The following TBC1D16 variants were observed in gnomAD, a reference collection of about 807,000 sequenced individuals.
TBC1D16 encodes CTD-2529O21.1.
In TBC1D16, 58 loss-of-function variants were observed where a neutral mutation model predicts 74.7. That is an observed-to-expected ratio of 0.78 (90% CI 0.63 to 0.97). TBC1D16 has a LOEUF of 0.97. Ranked by LOEUF, TBC1D16 falls within the 50% of genes least tolerant of loss-of-function variation. TBC1D16 has a pLI of 0.00. For synonymous variants in TBC1D16, 493 were observed against 474.7 expected, an observed-to-expected ratio of 1.04 and a Z score of -0.50; for missense variants, 1,014 against 1,079.5, an observed-to-expected ratio of 0.94 and a Z score of 0.85.
rs1296379 is a variant in TBC1D16 at position 79,940,844 on chromosome 17, T to G, written c.*15A>C. The G allele has an allele frequency of 7.8e-4, 1,181 of 1,519,572 alleles. 8 individuals carry two copies. The African/African-American group carries it at 0.014, about 18-fold the overall frequency. The allele number at this position is 1,519,572 out of a possible 1,614,324, so 94.1% of individuals were successfully genotyped here. A position where few individuals can be genotyped will look rare whatever the true frequency, so the allele number is the denominator to read the frequency against. On this transcript the variant is annotated 3_prime_UTR_variant, in exon 12 of 12. Coordinates refer to ENST00000310924, the MANE Select transcript of TBC1D16 (RefSeq NM_019020.4). The surrounding 1 kb of genome is among the most constrained non-coding windows in gnomAD (Gnocchi z 5.4). ...GGAGGTCCCCTCAACCCCTGTCCGG[T>G]GTCGGGGGCCCGACCTATCTGCGGA...
chr17:79,973,545 T>G (rs1238365596), intron 3 of TBC1D16, among the ~76,000 whole-genome samples: 1 of 151,988 alleles, frequency 6.6e-6, no homozygotes, highest in Non-Finnish European at 1.5e-5. Flanking sequence ...CCGTTTCTAC[T>G]AAAAATACAA....
chr17:79,949,903 G>T lies in TBC1D16; in HGVS notation c.1258-38C>A, dbSNP rs2032906452. The T allele has an allele frequency of 2.5e-6, 4 of 1,599,306 alleles. No individual in the cohort carries two copies. In the South Asian group the frequency reaches 4.4e-5, roughly 18 times the overall value. On this transcript the variant is annotated intron_variant, in intron 6 of 11. Transcript: ENST00000310924. ...GCAAAAGTTGGGGAGGGGATAAAAT[G>T]GGGCAGCTCAAAGAACCCCCAAATC...
chr17:79,979,784 G>A lies in TBC1D16; in HGVS notation c.780-26966C>T, dbSNP rs964717284. On this transcript the variant is annotated intron_variant, in intron 3 of 11. Transcript: ENST00000310924. This position sits in a 1 kb window ranked among gnomAD's most constrained non-coding sequence, Gnocchi z 4.8. ...ATCCACCAAAAGCTCACCCTGACTA[G>A]AGAACCAAGCAGAGACTGAGGCCAG... Among the ~76,000 whole-genome samples the A allele has an allele frequency of 6.6e-6, 1 of 151,864 alleles. No homozygotes were observed. Among genetic ancestry groups the A allele is most frequent in the Non-Finnish European group, 1.5e-5 (1 of 67,968 alleles).
intron 7 of TBC1D16, among the ~76,000 whole-genome samples, chr17:79,949,308 C>G (rs560751265): frequency 1.2e-4 from 19 of 152,338 alleles, no homozygotes; most frequent in Admixed American, 2.0e-4. Context: ...CTGAGCACAG[C>G]CCAGGGGCTT....
At chr17:79,958,148 G>A (rs1192785258) in intron 3 of TBC1D16, among the ~76,000 whole-genome samples, 1 of 151,898 alleles carries the variant, frequency 6.6e-6, no homozygotes, top group Admixed American at 6.6e-5. Flanking sequence ...AAAATCTAGT[G>A]TGGTAAAGGA....
intron 3 of TBC1D16, among the ~76,000 whole-genome samples, chr17:79,997,998 G>C (rs1015308179): frequency 6.6e-6 from 1 of 152,054 alleles, no homozygotes; most frequent in Non-Finnish European, 1.5e-5. Context: ...GGTGGCGGGA[G>C]CCTGGAATCC....
At chr17:80,022,969 T>C (rs2036336460) in intron 1 of TBC1D16, among the ~76,000 whole-genome samples, 1 of 149,936 alleles carries the variant, frequency 6.7e-6, no homozygotes, top group African/African-American at 2.5e-5. Context: ...TATGGACAAT[T>C]TTAAGAGGTG....
At position 79,943,422 on chromosome 17, in the gene TBC1D16, G is replaced by T. The variant is rs147690216; in HGVS notation, c.1909-1216C>A. On this transcript the variant is annotated intron_variant, in intron 10 of 11. Coordinates refer to ENST00000310924, the MANE Select transcript of TBC1D16 (RefSeq NM_019020.4). The stretch of plus-strand genomic sequence containing the variant: ...GTTCCCAGGACAGGCAGGGCGTAGG[G>T]CCGTCCAGCCCCACCACATGCTGAC... Among the ~76,000 whole-genome samples, 22 of 152,282 alleles carry T rather than the reference G, an allele frequency of 1.4e-4. No homozygotes were observed. The East Asian group carries it at 4.0e-3, about 28-fold the overall frequency.
intron 3 of TBC1D16, among the ~76,000 whole-genome samples, chr17:79,998,467 A>C (rs1235848701): frequency 6.6e-6 from 1 of 151,190 alleles, no homozygotes; most frequent in East Asian, 1.9e-4. Flanking sequence ...AGCTGGGACT[A>C]CATGTGTGAG....
intron 3 of TBC1D16, among the ~76,000 whole-genome samples, chr17:79,957,200 C>T (rs533589853): frequency 6.6e-6 from 1 of 152,182 alleles, no homozygotes; most frequent in South Asian, 2.1e-4. Flanking sequence ...GGAGAGGAGG[C>T]TGTGATGGGA....
intron 1 of TBC1D16, among the ~76,000 whole-genome samples, chr17:80,032,244 G>A (rs1001397773): frequency 6.6e-6 from 1 of 152,142 alleles, no homozygotes; most frequent in Non-Finnish European, 1.5e-5. Flanking sequence ...ACATCTCAGC[G>A]TCTGCAGCCC....
chr17:80,029,000 AG>A (rs2036683836), intron 1 of TBC1D16, among the ~76,000 whole-genome samples: 1 of 152,184 alleles, frequency 6.6e-6, no homozygotes, highest in Non-Finnish European at 1.5e-5. Context: ...GTAATTCGAA[AG>A]GAAAGAACAA....
In TBC1D16 at chr17:80,008,653, C is replaced by A. The variant is rs2035766012; in HGVS notation, c.779+1507G>T. Among the ~76,000 whole-genome samples the A allele has an allele frequency of 6.6e-6, 1 of 152,198 alleles. No individual in the cohort carries two copies. The highest frequency in any genetic ancestry group is 2.4e-5 in the African/African-American group (1 of 41,444). ...GAGTTCGGGCCCCGCCTCCCCCACA[C>A]CTCCTCGGGTTCCCTGGCGCCTGAC... On this transcript the variant is annotated intron_variant, in intron 3 of 11. Transcript: ENST00000310924. This position sits in a 1 kb window ranked among gnomAD's most constrained non-coding sequence, Gnocchi z 4.5.
intron 3 of TBC1D16, among the ~76,000 whole-genome samples, chr17:79,999,964 C>T (rs62074519): frequency 0.2 from 30,701 of 152,024 alleles, 3,414 homozygotes; most frequent in Middle Eastern, 0.29. Flanking sequence ...ACTCGCTCAG[C>T]TCTAGGGGTC....
chr17:79,968,746 G>A (rs189686592), intron 3 of TBC1D16, among the ~76,000 whole-genome samples: 2 of 150,264 alleles, frequency 1.3e-5, no homozygotes, highest in East Asian at 2.0e-4. Context: ...CCAGCTAATC[G>A]GGAGGCTGAG....
intron 11 of TBC1D16, 39 bp downstream of exon 11, chr17:79,942,021 G>C: frequency 1.3e-6 from 2 of 1,548,274 alleles, no homozygotes; most frequent in Non-Finnish European, 1.7e-6. Context: ...GGGCTTTGGG[G>C]GCGGGGCGGG....
Position 79,940,951 on chromosome 17 carries a change from C to A in TBC1D16, c.2212G>T (p.Gly738Trp). ...HHPGSESCPY[G>W]GTVEMPSPKS... ...GGGGAAGGCATCTCCACCGTGCCCC[C>A]GTAGGGACAGCTCTCCGAGCCGGGA... The change falls in exon 12 of 12, where the codon GGG becomes TGG. Residue 738 changes from glycine to tryptophan, a missense_variant. Physicochemically the swap from Gly to Trp is radical, Grantham distance 184. Coordinates refer to ENST00000310924, the MANE Select transcript of TBC1D16 (RefSeq NM_019020.4). The surrounding 1 kb of genome is among the most constrained non-coding windows in gnomAD (Gnocchi z 5.4). 2 of 1,602,440 alleles carry A rather than the reference C, an allele frequency of 1.2e-6. No individual in the cohort carries two copies. Among genetic ancestry groups the A allele is most frequent in the Non-Finnish European group, 1.7e-6 (2 of 1,175,138 alleles).
At chr17:80,033,714 T>A (rs2036849890) in intron 1 of TBC1D16, among the ~76,000 whole-genome samples, 1 of 152,232 alleles carries the variant, frequency 6.6e-6, no homozygotes, top group Non-Finnish European at 1.5e-5. Flanking sequence ...TCTTAACCAC[T>A]GCACCTTATT....
chr17:79,934,363 G>A lies in TBC1D16; in HGVS notation c.*6496C>T, dbSNP rs2031450823. On this transcript the variant is annotated 3_prime_UTR_variant, in exon 12 of 12. Transcript: ENST00000310924. ...CCTGCAGGGCTGACCCGTGCAGGTG[G>A]GATCATCCTTCCTGAGGAGCTGCCC... is the stretch of plus-strand genomic sequence containing the variant. 1 of 152,326 alleles carries A rather than the reference G, an allele frequency of 6.6e-6. No individual in the cohort carries two copies. The highest frequency in any genetic ancestry group is 2.4e-5 in the African/African-American group (1 of 41,454). 9.4% of individuals were successfully genotyped at this position (152,326 alleles called of 1,614,324 possible).
Sources: allele counts gnomAD v4.1 joint callset (sites outside exome capture counted in the v4.1 genomes callset), GRCh38; gene constraint gnomAD v4.1.1; non-coding constraint Gnocchi (gnomAD v3.1); transcripts MANE v1.5; gene names NCBI Gene and HGNC (gene_info 2026-07-23, HGNC 2026-07-21).